The following VPS35L variants were observed in gnomAD, a reference collection of about 807,000 sequenced individuals.
The protein encoded by VPS35L is VPS35 endosomal protein-sorting factor-like.
VPS35L carries 83 observed loss-of-function variants against 133.0 expected under a neutral mutation model. That is an observed-to-expected ratio of 0.62 (90% confidence interval 0.52 to 0.75). The LOEUF is 0.75. VPS35L is among the 30% of genes least tolerant of loss of function. The pLI, the probability that VPS35L is intolerant of heterozygous loss-of-function variation, is 0.00. For synonymous variants in VPS35L, 423 were observed against 449.9 expected, an observed-to-expected ratio of 0.94 and a Z score of 0.76; for missense variants, 1,083 against 1,206.8, an observed-to-expected ratio of 0.90 and a Z score of 1.52.
At chr16:19,609,399 C>T (rs1438400537) in intron 11 of VPS35L, among the ~76,000 whole-genome samples, 5 of 152,110 alleles carry the variant, frequency 3.3e-5, no homozygotes, top group Non-Finnish European at 5.9e-5. Context: ...TGAGGGGGTC[C>T]TTTGGGTCAC....
At chr16:19,641,548 C>A (rs1388730098) in intron 21 of VPS35L, among the ~76,000 whole-genome samples, 1 of 152,018 alleles carries the variant, frequency 6.6e-6, no homozygotes, top group Non-Finnish European at 1.5e-5. Context: ...TGATATTGCT[C>A]AAATGTTTTA....
intron 12 of VPS35L, 73 bp downstream of exon 12, chr16:19,610,488 C>A: frequency 1.8e-6 from 2 of 1,129,298 alleles, no homozygotes; most frequent in Non-Finnish European, 1.3e-6. Flanking sequence ...ACAGGGCCCT[C>A]CTTCCCCACC....
At chr16:19,676,568 G>T (rs1975068921) in intron 27 of VPS35L, among the ~76,000 whole-genome samples, 1 of 152,118 alleles carries the variant, frequency 6.6e-6, no homozygotes, top group African/African-American at 2.4e-5. Context: ...GCCTAGTTTT[G>T]ATACAGTTGC....
At position 19,682,338 on chromosome 16, in the gene VPS35L, G is replaced by A. The variant is rs746127341; in HGVS notation, c.2475G>A (p.Leu825=). ...DEKIRIYTCV[L]HLLSAMSQET... The stretch of plus-strand genomic sequence containing the variant: ...AAATCCGCATCTACACCTGCGTCCT[G>A]CATCTCCTCTCCGCCATGAGCCAGG... Residue 825 remains leucine (L), a synonymous_variant, in exon 28 of 31, where the codon CTG becomes CTA. Transcript: ENST00000417362. 5 of 1,614,198 alleles carry A rather than the reference G, an allele frequency of 3.1e-6. No homozygotes were observed. The South Asian group carries it at 3.3e-5, about 11-fold the overall frequency.
intron 7 of VPS35L, among the ~76,000 whole-genome samples, chr16:19,585,169 T>G (rs950263599): frequency 6.6e-6 from 1 of 152,202 alleles, no homozygotes; most frequent in African/African-American, 2.4e-5. Flanking sequence ...CTGGCTGTTA[T>G]GAATAATGCT....
chr16:19,594,637 T>A (rs1972144177), intron 8 of VPS35L, among the ~76,000 whole-genome samples: 1 of 91,910 alleles, frequency 1.1e-5, no homozygotes, highest in Non-Finnish European at 2.0e-5. Context: ...GAGCTGAGAT[T>A]TCGTCTCAAA....
At chr16:19,608,150 C>A (rs1972592995) in intron 9 of VPS35L, 28 bp from the exon 10 acceptor site, 4 of 1,537,902 alleles carry the variant, frequency 2.6e-6, no homozygotes, top group Non-Finnish European at 3.6e-6. Context: ...TTTAGGAGGG[C>A]TGATGGATCT....
chr16:19,609,768 G>A (rs1333169161), intron 11 of VPS35L, among the ~76,000 whole-genome samples: 1 of 152,106 alleles, frequency 6.6e-6, no homozygotes, highest in Non-Finnish European at 1.5e-5. Context: ...GAATAGTTTG[G>A]GGGAATAACA....
At chr16:19,669,101 G>T in intron 26 of VPS35L, 59 bp from the exon 27 acceptor site, 1 of 1,534,008 alleles carries the variant, frequency 6.5e-7, no homozygotes, top group Non-Finnish European at 8.8e-7. Context: ...ACGTGAAGAA[G>T]AAAGCCAACT....
rs983886032 is a variant in VPS35L at position 19,591,959 on chromosome 16, T to G, written c.724+85T>G. 25 of 1,113,868 alleles carry G rather than the reference T, an allele frequency of 2.2e-5. No homozygotes were observed. The Admixed American group carries it at 3.1e-4, about 14-fold the overall frequency. 69.0% of individuals were successfully genotyped at this position (1,113,868 alleles called of 1,614,324 possible). On this transcript the variant is annotated intron_variant, in intron 8 of 30. Transcript: ENST00000417362. ...GGTGGTAGAGTTACTGTAAATTAGGTTCTGCTGTGGTTTAAGTTATTAAGT... is the reference window on the plus strand; with the variant it reads ...GGTGGTAGAGTTACTGTAAATTAGGGTCTGCTGTGGTTTAAGTTATTAAGT...
chr16:19,588,617 A>C (rs1462955865), intron 7 of VPS35L, among the ~76,000 whole-genome samples: 3 of 152,210 alleles, frequency 2.0e-5, no homozygotes, highest in Non-Finnish European at 4.4e-5. Flanking sequence ...AAAATAAAAA[A>C]AACCTTCTGG....
intron 24 of VPS35L, among the ~76,000 whole-genome samples, chr16:19,649,227 G>A (rs1974050137): frequency 6.6e-6 from 1 of 152,066 alleles, no homozygotes; most frequent in East Asian, 1.9e-4. Flanking sequence ...TTAACCTAAG[G>A]TGATCCACCT....
At chr16:19,683,004 A>G (rs1029855771) in intron 28 of VPS35L, among the ~76,000 whole-genome samples, 1 of 152,202 alleles carries the variant, frequency 6.6e-6, no homozygotes, top group Non-Finnish European at 1.5e-5. Flanking sequence ...GGCCCACTGC[A>G]GCCTTTACAG....
At chr16:19,581,787 C>G in intron 7 of VPS35L, 134 bp downstream of exon 7, 2 of 1,038,818 alleles carry the variant, frequency 1.9e-6, no homozygotes, top group South Asian at 1.6e-5. Context: ...CATATACTTC[C>G]TGTGAAAAGC....
chr16:19,669,381 T>C, intron 27 of VPS35L, 82 bp downstream of exon 27: 1 of 1,431,320 alleles, frequency 7.0e-7, no homozygotes, highest in Non-Finnish European at 9.4e-7. Context: ...GGCCTAAAAC[T>C]GCAGGAACAT....
intron 26 of VPS35L, among the ~76,000 whole-genome samples, chr16:19,664,113 A>G (rs187963883): frequency 1.3e-5 from 2 of 152,262 alleles, no homozygotes; most frequent in Non-Finnish European, 1.5e-5. Flanking sequence ...GCCAGTGAGC[A>G]TCCCTGGCAT....
chr16:19,624,400 G>C (rs962305031), intron 14 of VPS35L, among the ~76,000 whole-genome samples: 2 of 151,810 alleles, frequency 1.3e-5, no homozygotes, highest in Non-Finnish European at 2.9e-5. Flanking sequence ...CTGGCTAACA[G>C]GGTGAAACCC....
chr16:19,662,031 A>G (rs1974500230), intron 26 of VPS35L, among the ~76,000 whole-genome samples: 1 of 141,238 alleles, frequency 7.1e-6, no homozygotes. Context: ...TGTACAAAAT[A>G]TGAATTAAAA....
chr16:19,682,161 A>G lies in VPS35L; in HGVS notation c.2362-64A>G, dbSNP rs377116702. The G allele has an allele frequency of 1.4e-5, 22 of 1,564,078 alleles. No individual in the cohort carries two copies. The African/African-American group carries it at 2.5e-4, about 18-fold the overall frequency. The stretch of plus-strand genomic sequence containing the variant: ...CGGGAGGATCTGGGCTTCTGTGTTG[A>G]TTTTCTTTTTCCCTCCCTGCTTCAT... On this transcript the variant is annotated intron_variant, in intron 27 of 30. Coordinates refer to ENST00000417362, the MANE Select transcript of VPS35L (RefSeq NM_020314.7).
Sources: gnomAD v4.1 joint callset for allele counts (sites outside exome capture counted in the v4.1 genomes callset) on GRCh38, gnomAD v4.1.1 for gene constraint, MANE v1.5 for transcripts, NCBI Gene and HGNC (gene_info 2026-07-23, HGNC 2026-07-21) for gene names.